GLRA2: variants seen among roughly 807,000 people sequenced by gnomAD.
GLRA2 encodes glycine receptor alpha 2, also known as glycine receptor subunit alpha-2.
A neutral mutation model predicts 31.6 loss-of-function variants in GLRA2; 11 were observed. That is an observed-to-expected ratio of 0.35 (90% confidence interval 0.22 to 0.58). GLRA2 has a LOEUF of 0.58. GLRA2 is among the 20% of genes least tolerant of loss of function. GLRA2 has a pLI of 0.84. For synonymous variants in GLRA2, 132 were observed against 134.0 expected, an observed-to-expected ratio of 0.99 and a Z score of 0.10; for missense variants, 212 against 351.8, an observed-to-expected ratio of 0.60 and a Z score of 3.18.
At chrX:14,449,351 G>A in the GLRA2 span, among the ~76,000 whole-genome samples, 1 of 112,304 alleles carries the variant, frequency 8.9e-6, no homozygotes, top group South Asian at 3.7e-4. Flanking sequence ...GAGATCCCAT[G>A]ACTCACATAG....
chrX:14,515,712 G>T, the GLRA2 span, among the ~76,000 whole-genome samples: 1 of 111,400 alleles, frequency 9.0e-6, no homozygotes, highest in Non-Finnish European at 1.9e-5. Flanking sequence ...TTATTTTTGA[G>T]TCACTTGTTT....
chrX:14,727,782 T>A, intron 8 of GLRA2, among the ~76,000 whole-genome samples: 1 of 112,168 alleles, frequency 8.9e-6, no homozygotes, highest in Admixed American at 9.5e-5. Flanking sequence ...ATGGAAGTAC[T>A]CCGATGTTAG....
chrX:14,680,612 G>T (rs2147167299), intron 7 of GLRA2, among the ~76,000 whole-genome samples: 1 of 111,896 alleles, frequency 8.9e-6, no homozygotes, highest in Admixed American at 9.5e-5. Context: ...AGGCATTTCA[G>T]TTCTGAGAAA....
the GLRA2 span, among the ~76,000 whole-genome samples, chrX:14,491,344 G>A: frequency 1.5e-4 from 17 of 111,208 alleles, no homozygotes; most frequent in African/African-American, 4.6e-4. Context: ...ATAAACTGGC[G>A]GTTTTGTTCA....
At chrX:14,728,223 T>C (rs1349290935) in intron 8 of GLRA2, among the ~76,000 whole-genome samples, 1 of 110,064 alleles carries the variant, frequency 9.1e-6, no homozygotes. Flanking sequence ...ACCCCGTCTC[T>C]ACAAAAAGTT....
At chrX:14,552,634 T>C (rs746356333) in intron 2 of GLRA2, among the ~76,000 whole-genome samples, 1 of 111,849 alleles carries the variant, frequency 8.9e-6, no homozygotes, top group Non-Finnish European at 1.9e-5. Context: ...GTCATATGAC[T>C]GGAGATGAAT....
rs377031910 is a variant in GLRA2 at position 14,621,534 on chromosome X, C to A, written c.930+12329C>A. Among the ~76,000 whole-genome samples the A allele has an allele frequency of 1.1e-4, 12 of 109,987 alleles. No individual in the cohort carries two copies. The East Asian group carries it at 2.3e-3, about 21-fold the overall frequency. ...CCCCTGTCCCCCAGCCCCCGACAGG[C>A]CCCGGTGTGTGATGTTCCCCATCCT... On this transcript the variant is annotated intron_variant, in intron 7 of 8. Coordinates refer to ENST00000218075, the MANE Select transcript of GLRA2 (RefSeq NM_002063.4).
chrX:14,536,397 A>G (rs1182451254), intron 2 of GLRA2, among the ~76,000 whole-genome samples: 1 of 111,837 alleles, frequency 8.9e-6, no homozygotes, highest in Non-Finnish European at 1.9e-5. Flanking sequence ...GTTAGTGACA[A>G]TGCAACCCCA....
the GLRA2 span, among the ~76,000 whole-genome samples, chrX:14,477,361 G>A: frequency 1.1e-4 from 12 of 111,594 alleles, 1 homozygote; most frequent in African/African-American, 2.9e-4. Context: ...ATACATGTCC[G>A]ATACTCACCA....
At chrX:14,570,540 G>C (rs1434066514) in intron 2 of GLRA2, among the ~76,000 whole-genome samples, 1 of 111,706 alleles carries the variant, frequency 9.0e-6, no homozygotes. Context: ...GCAGGGCTCA[G>C]ATGGGGCCTG....
intron 4 of GLRA2, among the ~76,000 whole-genome samples, chrX:14,593,711 T>G (rs763084546): frequency 1.2e-5 from 1 of 82,042 alleles, no homozygotes; most frequent in South Asian, 4.4e-4. Flanking sequence ...AATGAATGTC[T>G]TAATTATCCC....
intron 7 of GLRA2, among the ~76,000 whole-genome samples, chrX:14,609,594 C>T (rs1283903334): frequency 1.8e-5 from 2 of 110,565 alleles, no homozygotes; most frequent in African/African-American, 6.6e-5. Flanking sequence ...TATTGCAATT[C>T]ATATGTTTAG....
chrX:14,584,379 C>T (rs2090058382), intron 4 of GLRA2, among the ~76,000 whole-genome samples: 1 of 111,545 alleles, frequency 9.0e-6, no homozygotes, highest in Non-Finnish European at 1.9e-5. Flanking sequence ...TAACAGAATG[C>T]CCCCTTTCGC....
intron 2 of GLRA2, among the ~76,000 whole-genome samples, chrX:14,567,199 C>G (rs2089818731): frequency 9.0e-6 from 1 of 111,416 alleles, no homozygotes; most frequent in Admixed American, 9.6e-5. Flanking sequence ...AAATCCTTGA[C>G]AAAATATTAG....
At position 14,707,778 on chromosome X, in the gene GLRA2, G is replaced by A. The variant is rs142524253; in HGVS notation, c.1080+16919G>A. Reference sequence around the variant, plus strand: ...AAAAGGTGTGTGTGTGTGTGTGCACGCGCGCGTGTTGCATGCACTGTTAGA... The same window carrying A: ...AAAAGGTGTGTGTGTGTGTGTGCACACGCGCGTGTTGCATGCACTGTTAGA... On this transcript the variant is annotated intron_variant, in intron 8 of 8. Coordinates refer to ENST00000218075, the MANE Select transcript of GLRA2 (RefSeq NM_002063.4). Among the ~76,000 whole-genome samples the A allele has an allele frequency of 3.2e-3, 345 of 106,394 alleles. 1 individual carries two copies. Among genetic ancestry groups the A allele is most frequent in the African/African-American group, 0.01 (310 of 29,603 alleles). 92.4% of individuals were successfully genotyped at this position (106,394 alleles called of 115,157 possible).
At chrX:14,695,003 C>G (rs1160211576) in intron 8 of GLRA2, among the ~76,000 whole-genome samples, 1 of 111,827 alleles carries the variant, frequency 8.9e-6, no homozygotes, top group Non-Finnish European at 1.9e-5. Context: ...TTCAGATGCC[C>G]ATGAGACATC....
At chrX:14,668,627 C>T (rs928016752) in intron 7 of GLRA2, among the ~76,000 whole-genome samples, 4 of 112,192 alleles carry the variant, frequency 3.6e-5, no homozygotes, top group Admixed American at 9.4e-5. Flanking sequence ...ATGAAAGGCA[C>T]GTCTCACATG....
chrX:14,490,898 GCA>G, the GLRA2 span, among the ~76,000 whole-genome samples: 1 of 111,556 alleles, frequency 9.0e-6, no homozygotes, highest in Admixed American at 9.5e-5. Flanking sequence ...TCAGCACACA[GCA>G]CACACTCTGC....
chrX:14,659,925 T>C (rs949931031), intron 7 of GLRA2, among the ~76,000 whole-genome samples: 10 of 112,255 alleles, frequency 8.9e-5, no homozygotes, highest in Admixed American at 3.8e-4. Context: ...CAAATTGGGT[T>C]CTGGCAAATC....
Sources: allele counts gnomAD v4.1 joint callset (sites outside exome capture counted in the v4.1 genomes callset), GRCh38; gene constraint gnomAD v4.1.1; transcripts MANE v1.5; gene names NCBI Gene and HGNC (gene_info 2026-07-23, HGNC 2026-07-21).